Variants in MAGI2 observed in about 807,000 individuals in gnomAD.
MAGI2 encodes membrane-associated guanylate kinase, WW and PDZ domain-containing protein 2.
Under a neutral mutation model 133.3 loss-of-function variants are expected in MAGI2, and 35 were observed. That is an observed-to-expected ratio of 0.26 (90% confidence interval 0.20 to 0.35). MAGI2 has a LOEUF of 0.35. Ranked by LOEUF, MAGI2 falls within the 10% of genes least tolerant of loss-of-function variation. The probability of loss-of-function intolerance (pLI) is 1.00; values close to 1 mark genes in which losing one functional copy is unlikely to be tolerated. For synonymous variants in MAGI2, 729 were observed against 710.6 expected (o/e 1.03, Z -0.41); for missense variants, 1,636 against 1,863.4 (o/e 0.88, Z 2.25).
intron 1 of MAGI2, among the ~76,000 whole-genome samples, chr7:79,368,655 C>T (rs951625848): frequency 6.6e-6 from 1 of 151,148 alleles, no homozygotes; most frequent in African/African-American, 2.4e-5. Flanking sequence ...GAGACCATCC[C>T]GGCTAAAACG....
intron 7 of MAGI2, among the ~76,000 whole-genome samples, chr7:78,368,307 TA>T (rs1793587853): frequency 6.6e-6 from 1 of 152,184 alleles, no homozygotes; most frequent in Non-Finnish European, 1.5e-5. Flanking sequence ...CTGTAACTAT[TA>T]AACAGAATGT....
intron 2 of MAGI2, among the ~76,000 whole-genome samples, chr7:78,643,738 G>A (rs1009862633): frequency 6.6e-6 from 1 of 152,054 alleles, no homozygotes; most frequent in Non-Finnish European, 1.5e-5. Flanking sequence ...TGGCACAAGG[G>A]GTGGGGGATG....
At position 79,397,168 on chromosome 7, in the gene MAGI2, T is replaced by TTA. The variant is rs546820377; in HGVS notation, c.301+55850_301+55851dup. Among the ~76,000 whole-genome samples the TTA allele has an allele frequency of 5.0e-3, 752 of 149,162 alleles. 7 individuals are homozygous for TTA. The highest frequency in any genetic ancestry group is 0.017 in the African/African-American group (693 of 41,036). The stretch of plus-strand genomic sequence containing the variant: ...CACTTTTTAGGAGTTATTATTTATA[T>TTA]TATATATATATGTTATTTTAGTATA... On this transcript the variant is annotated intron_variant, in intron 1 of 21. Transcript: ENST00000354212.
At position 79,097,920 on chromosome 7, in the gene MAGI2, G is replaced by A. The variant is rs185583593; in HGVS notation, c.302-90714C>T. Among the ~76,000 whole-genome samples the A allele has an allele frequency of 1.6e-4, 24 of 152,190 alleles. No homozygotes were observed. In the East Asian group the frequency reaches 4.2e-3, roughly 27 times the overall value. ...GCAGATCACTTGAGGTCAGGAGTTC[G>A]AGACCAGCCTGACCAACATTGTGAA... On this transcript the variant is annotated intron_variant, in intron 1 of 21. Coordinates refer to ENST00000354212, the MANE Select transcript of MAGI2 (RefSeq NM_012301.4).
intron 1 of MAGI2, among the ~76,000 whole-genome samples, chr7:79,271,440 C>T (rs766231891): frequency 6.6e-6 from 1 of 152,058 alleles, no homozygotes; most frequent in Non-Finnish European, 1.5e-5. Flanking sequence ...ACCTCTGACA[C>T]ATACTAAATA....
intron 17 of MAGI2, among the ~76,000 whole-genome samples, chr7:78,133,693 G>A (rs1323712077): frequency 2.0e-5 from 3 of 152,094 alleles, no homozygotes; most frequent in African/African-American, 7.2e-5. Flanking sequence ...TGGAATAAGG[G>A]CCCAACAGAC....
intron 1 of MAGI2, among the ~76,000 whole-genome samples, chr7:79,203,137 T>A (rs79720189): frequency 0.017 from 2,555 of 152,032 alleles, 49 homozygotes; most frequent in Non-Finnish European, 0.021. Flanking sequence ...ACATCTAACT[T>A]CTCGATTTCT....
intron 1 of MAGI2, among the ~76,000 whole-genome samples, chr7:79,303,847 A>G (rs1837563910): frequency 6.6e-6 from 1 of 152,214 alleles, no homozygotes; most frequent in Non-Finnish European, 1.5e-5. Flanking sequence ...CTTGCGTTTC[A>G]TCTAAAATAA....
chr7:78,394,459 T>A (rs1021886763), intron 6 of MAGI2, among the ~76,000 whole-genome samples: 3 of 152,144 alleles, frequency 2.0e-5, no homozygotes, highest in African/African-American at 7.2e-5. Context: ...AAACCTTTCG[T>A]GCTTAGGCTT....
At chr7:79,290,345 G>GATAT (rs34410665) in intron 1 of MAGI2, among the ~76,000 whole-genome samples, 119 of 149,770 alleles carry the variant, frequency 7.9e-4, no homozygotes, top group South Asian at 2.1e-3. Flanking sequence ...TACAATTGTG[G>GATAT]ATATATATAT....
At chr7:79,203,388 A>G (rs1828775167) in intron 1 of MAGI2, among the ~76,000 whole-genome samples, 1 of 152,036 alleles carries the variant, frequency 6.6e-6, no homozygotes, top group South Asian at 2.1e-4. Flanking sequence ...ATAAAGCCCT[A>G]TTTCATCTGG....
intron 21 of MAGI2, chr7:78,072,842 G>T: frequency 7.5e-6 from 3 of 398,010 alleles, no homozygotes; most frequent in Non-Finnish European, 1.3e-5. Context: ...TAATTTTTTT[G>T]TAGAGACAAG....
intron 21 of MAGI2, among the ~76,000 whole-genome samples, chr7:78,068,534 A>G (rs1181809789): frequency 6.6e-6 from 1 of 152,140 alleles, no homozygotes; most frequent in Admixed American, 6.5e-5. Flanking sequence ...GAATGGGGGC[A>G]GGGAGTATAT....
intron 1 of MAGI2, among the ~76,000 whole-genome samples, chr7:79,391,480 A>G (rs1844602222): frequency 7.4e-6 from 1 of 135,124 alleles, no homozygotes; most frequent in South Asian, 2.4e-4. Context: ...AAAAGCAATT[A>G]CCTTTAACAT....
intron 1 of MAGI2, among the ~76,000 whole-genome samples, chr7:79,396,271 T>C (rs994609403): frequency 2.6e-5 from 4 of 152,166 alleles, no homozygotes; most frequent in Non-Finnish European, 5.9e-5. Context: ...GTCCATTCTA[T>C]GTTCTCTTTT....
intron 2 of MAGI2, among the ~76,000 whole-genome samples, chr7:78,690,965 C>T (rs1816898374): frequency 6.6e-6 from 1 of 152,174 alleles, no homozygotes; most frequent in Non-Finnish European, 1.5e-5. Flanking sequence ...TAGAGCACAA[C>T]ATTTTCACAT....
At chr7:78,522,004 A>T (rs1287230645) in intron 3 of MAGI2, among the ~76,000 whole-genome samples, 1 of 152,224 alleles carries the variant, frequency 6.6e-6, no homozygotes, top group Non-Finnish European at 1.5e-5. Context: ...AAAAATAATT[A>T]TGTTAAGAGT....
intron 2 of MAGI2, among the ~76,000 whole-genome samples, chr7:78,825,848 C>T (rs1790578848): frequency 6.6e-6 from 1 of 152,114 alleles, no homozygotes; most frequent in Non-Finnish European, 1.5e-5. Flanking sequence ...ATTGAGATGT[C>T]TCCAACCGAT....
chr7:78,204,707 G>A (rs1195110919), intron 10 of MAGI2, among the ~76,000 whole-genome samples: 1 of 151,962 alleles, frequency 6.6e-6, no homozygotes, highest in African/African-American at 2.4e-5. Context: ...ATTTGTGTGT[G>A]TACAAATGCA....
Sources: gnomAD v4.1 joint callset for allele counts (sites outside exome capture counted in the v4.1 genomes callset) on GRCh38, gnomAD v4.1.1 for gene constraint, MANE v1.5 for transcripts, NCBI Gene and HGNC (gene_info 2026-07-23, HGNC 2026-07-21) for gene names.